Variants in ZFHX3 observed in about 807,000 individuals in gnomAD.
ZFHX3 encodes the protein zinc finger homeobox protein 3.
A neutral mutation model predicts 279.1 loss-of-function variants in ZFHX3; 42 were observed. The ratio of observed to expected loss-of-function variants is 0.15; its 90% CI spans 0.12 to 0.19. The LOEUF is 0.19. Among genes scored for constraint, ZFHX3 ranks in the 10% least tolerant of loss-of-function variants. The pLI is 1.00. For missense variants in ZFHX3, 4,981 were observed against 4,754.0 expected (o/e 1.05, Z -1.40); for synonymous variants, 2,293 against 1,957.8 (o/e 1.17, Z -4.52).
intron 5 of ZFHX3, among the ~76,000 whole-genome samples, chr16:72,818,851 A>C: frequency 6.6e-6 from 1 of 152,318 alleles, no homozygotes; most frequent in Middle Eastern, 3.4e-3. Flanking sequence ...TATGCTTACA[A>C]AGGTATGGCA....
chr16:72,918,341 A>G (rs1482178893), intron 3 of ZFHX3, among the ~76,000 whole-genome samples: 3 of 152,250 alleles, frequency 2.0e-5, no homozygotes, highest in Non-Finnish European at 4.4e-5. Context: ...AGACAAGAAA[A>G]GGAGGGACAA....
At position 73,556,823 on chromosome 16, in the gene ZFHX3, C is replaced by T. The variant is rs187479031; in HGVS notation, c.-1546-100565G>A. On this transcript the variant is annotated intron_variant, in intron 2 of 17. Coordinates refer to the ZFHX3 transcript ENST00000641206. ...AAGAAGGCCTCAGTGAGGCCGGGCG[C>T]GGTGGCTCATGCCTGTAATCCCAGC... 1.6e-4 allele frequency among the ~76,000 whole-genome samples: 25 copies of T among 151,540 alleles called. No individual in the cohort carries two copies. The Middle Eastern group carries it at 0.01, about 62-fold the overall frequency.
At chr16:73,310,111 A>G (rs749481865) in intron 4 of ZFHX3, among the ~76,000 whole-genome samples, 6 of 151,640 alleles carry the variant, frequency 4.0e-5, no homozygotes, top group Non-Finnish European at 8.8e-5. Flanking sequence ...GTTTCACCAT[A>G]TTGGCCACAC....
intron 1 of ZFHX3, among the ~76,000 whole-genome samples, chr16:72,966,282 G>A (rs539089458): frequency 6.6e-6 from 1 of 152,304 alleles, no homozygotes; most frequent in East Asian, 1.9e-4. Context: ...CCATGAGTTG[G>A]AACAACAGGC....
intron 1 of ZFHX3, among the ~76,000 whole-genome samples, chr16:73,732,895 G>T (rs2053580346): frequency 6.6e-6 from 1 of 152,152 alleles, no homozygotes. Flanking sequence ...AAGGCGGTGG[G>T]TTCAGCAGGA....
At chr16:73,111,523 G>A (rs1330503340) in intron 7 of ZFHX3, among the ~76,000 whole-genome samples, 1 of 144,384 alleles carries the variant, frequency 6.9e-6, no homozygotes, top group Non-Finnish European at 1.5e-5. Context: ...ACTCTCCTAT[G>A]TTTCAACTGC....
intron 1 of ZFHX3, among the ~76,000 whole-genome samples, chr16:72,966,369 T>C (rs976961428): frequency 6.6e-5 from 10 of 152,112 alleles, no homozygotes; most frequent in African/African-American, 2.2e-4. Context: ...GCTAAACCAA[T>C]AGAGGATGGA....
In ZFHX3 at chr16:73,183,841, C is replaced by A. The variant is rs145839098; in HGVS notation, c.-1103-40010G>T. Among the ~76,000 whole-genome samples, 873 of 151,888 alleles carry A rather than the reference C, an allele frequency of 5.7e-3. 8 individuals carry two copies. The highest frequency in any genetic ancestry group is 0.019 in the African/African-American group (793 of 41,406). ...GCTGGGAAGGTGAGGTCGGCTCCTG[C>A]GAACCGTGGGGGCGCTCTGATCTCG... On this transcript the variant is annotated intron_variant, in intron 5 of 17. Transcript: ENST00000641206.
In ZFHX3 at chr16:73,267,536, T is replaced by C. The variant is rs188639486; in HGVS notation, c.-1193-10400A>G. Among the ~76,000 whole-genome samples, 51 of 152,316 alleles carry C rather than the reference T, an allele frequency of 3.3e-4. 1 individual carries two copies. Among genetic ancestry groups the C allele is most frequent in the Admixed American group, 3.1e-3 (48 of 15,302 alleles). The stretch of plus-strand genomic sequence containing the variant: ...TGTACCAAATCATGGGGCATTTTTA[T>C]ACAAAAGGGACGAGCCTCAATGACA... On this transcript the variant is annotated intron_variant, in intron 4 of 17. Transcript: ENST00000641206.
intron 1 of ZFHX3, among the ~76,000 whole-genome samples, chr16:73,844,048 A>G (rs1961382738): frequency 6.6e-6 from 1 of 152,246 alleles, no homozygotes; most frequent in Admixed American, 6.5e-5. Context: ...CTTCCTGTGT[A>G]ACCCAGAAAC....
chr16:73,600,570 A>G (rs1188651393), intron 2 of ZFHX3, among the ~76,000 whole-genome samples: 2 of 152,072 alleles, frequency 1.3e-5, no homozygotes, highest in African/African-American at 4.8e-5. Context: ...GGCGCCCGCC[A>G]CCACGCCCGG....
At chr16:73,062,517 A>T (rs1351467304), upstream of ZFHX3, among the ~76,000 whole-genome samples, 1 of 152,198 alleles carries the variant, frequency 6.6e-6, no homozygotes, top group Non-Finnish European at 1.5e-5. Flanking sequence ...TGAATGGTGA[A>T]TTTGAGTAAG....
chr16:73,078,650 CT>C lies in ZFHX3; in HGVS notation c.-533+14584del, dbSNP rs35686338. Among the ~76,000 whole-genome samples the C allele has an allele frequency of 5.0e-3, 736 of 146,616 alleles. 6 individuals are homozygous for C. Among genetic ancestry groups the C allele is most frequent in the African/African-American group, 0.015 (600 of 40,298 alleles). On this transcript the variant is annotated intron_variant, in intron 8 of 17. Transcript: ENST00000641206. The stretch of plus-strand genomic sequence containing the variant: ...TAAACCGCGCCTGGCCACTAAAGAA[CT>C]TTTTTTTTTTTGAGATGGAGTCTTG...
intron 7 of ZFHX3, among the ~76,000 whole-genome samples, chr16:73,099,867 C>G (rs905737094): frequency 6.6e-6 from 1 of 152,016 alleles, no homozygotes; most frequent in Non-Finnish European, 1.5e-5. Context: ...ATCAGCCATG[C>G]CTTGGATTAT....
At chr16:73,796,553 T>A (rs1403433328) in intron 1 of ZFHX3, 1 of 152,198 alleles carries the variant, frequency 6.6e-6, no homozygotes, top group Non-Finnish European at 1.5e-5. Flanking sequence ...AGTCACCCGA[T>A]GCCAGTGAGA....
At chr16:73,021,036 G>A (rs149670920) in intron 1 of ZFHX3, among the ~76,000 whole-genome samples, 1 of 152,146 alleles carries the variant, frequency 6.6e-6, no homozygotes, top group African/African-American at 2.4e-5. Context: ...ATAGGCCCAA[G>A]GACTTTGAAA....
chr16:73,506,284 C>T (rs953270639), intron 2 of ZFHX3, among the ~76,000 whole-genome samples: 13 of 152,148 alleles, frequency 8.5e-5, no homozygotes, highest in African/African-American at 2.4e-4. Flanking sequence ...CCACCTGGCC[C>T]GGACCCAGTA....
intron 1 of ZFHX3, among the ~76,000 whole-genome samples, chr16:73,691,307 AG>A (rs200394301): frequency 0.014 from 2,142 of 152,312 alleles, 53 homozygotes; most frequent in African/African-American, 0.049. Context: ...CGGAATAAAA[AG>A]CTTAAGATTT....
intron 1 of ZFHX3, among the ~76,000 whole-genome samples, chr16:73,862,544 G>A (rs1438844921): frequency 6.6e-6 from 1 of 152,200 alleles, no homozygotes; most frequent in Non-Finnish European, 1.5e-5. Flanking sequence ...AGAGGCTGAG[G>A]CAGGAGGATC....
Sources: allele counts gnomAD v4.1 joint callset (sites outside exome capture counted in the v4.1 genomes callset), GRCh38; gene constraint gnomAD v4.1.1; transcripts MANE v1.5; gene names NCBI Gene and HGNC (gene_info 2026-07-23, HGNC 2026-07-21).